NBEA: variants seen among roughly 807,000 people sequenced by gnomAD.
NBEA encodes the protein neurobeachin, also known as lysosomal-trafficking regulator 2.
A neutral mutation model predicts 343.4 loss-of-function variants in NBEA; 44 were observed. That is an observed-to-expected ratio of 0.13 (90% CI 0.10 to 0.16). NBEA has a LOEUF of 0.16. NBEA is among the 10% of genes least tolerant of loss of function. The probability of loss-of-function intolerance (pLI) is 1.00; values close to 1 mark genes in which losing one functional copy is unlikely to be tolerated. For missense variants in NBEA, 2,555 were observed against 3,631.3 expected, an observed-to-expected ratio of 0.70 and a Z score of 7.62; for synonymous variants, 1,175 against 1,238.7, an observed-to-expected ratio of 0.95 and a Z score of 1.08.
At chr13:35,662,843 C>T (rs2085167180) in intron 55 of NBEA, among the ~76,000 whole-genome samples, 1 of 151,898 alleles carries the variant, frequency 6.6e-6, no homozygotes, top group Admixed American at 6.6e-5. Context: ...GGGAAAGGTC[C>T]CAAAACTATT....
intron 17 of NBEA, among the ~76,000 whole-genome samples, chr13:35,134,244 T>C (rs562108460): frequency 2.3e-4 from 35 of 151,994 alleles, no homozygotes; most frequent in African/African-American, 7.0e-4. Flanking sequence ...ATGGGACCAA[T>C]TGATAATACA....
intron 41 of NBEA, among the ~76,000 whole-genome samples, chr13:35,503,772 T>C (rs1440592768): frequency 6.6e-6 from 1 of 152,112 alleles, no homozygotes; most frequent in Non-Finnish European, 1.5e-5. Context: ...TGCTCCTTTG[T>C]CAATATAGGT....
At chr13:35,562,268 A>C (rs1369554627) in intron 44 of NBEA, among the ~76,000 whole-genome samples, 1 of 152,060 alleles carries the variant, frequency 6.6e-6, no homozygotes, top group Non-Finnish European at 1.5e-5. Flanking sequence ...TGATACTTAG[A>C]GTTCTACTAA....
At chr13:35,476,349 TG>T (rs2075870823) in intron 41 of NBEA, 2 of 1,228,868 alleles carry the variant, frequency 1.6e-6, no homozygotes, top group Non-Finnish European at 2.3e-6. Context: ...CTGCTGCTGC[TG>T]CTGCTTTTCC....
intron 38 of NBEA, among the ~76,000 whole-genome samples, chr13:35,430,864 A>T (rs2045060560): frequency 6.6e-6 from 1 of 152,158 alleles, no homozygotes; most frequent in South Asian, 2.1e-4. Flanking sequence ...TATTACTATT[A>T]TTCATCAAGT....
intron 10 of NBEA, among the ~76,000 whole-genome samples, chr13:35,081,483 CAA>C (rs1269016636): frequency 1.3e-5 from 2 of 151,024 alleles, no homozygotes; most frequent in Admixed American, 6.6e-5. Context: ...TAGAAACAAA[CAA>C]ATTCAATCTA....
intron 38 of NBEA, among the ~76,000 whole-genome samples, chr13:35,391,844 T>G (rs1010842873): frequency 1.3e-5 from 2 of 152,168 alleles, no homozygotes; most frequent in African/African-American, 4.8e-5. Flanking sequence ...AGAAAGTTAT[T>G]TCTTACTAAC....
chr13:35,569,637 A>G (rs1431606691), intron 45 of NBEA, among the ~76,000 whole-genome samples: 1 of 152,182 alleles, frequency 6.6e-6, no homozygotes, highest in Non-Finnish European at 1.5e-5. Flanking sequence ...GAAAGAGTGT[A>G]CAGGAGTGAA....
intron 49 of NBEA, among the ~76,000 whole-genome samples, chr13:35,641,411 G>A (rs1489641650): frequency 6.6e-6 from 1 of 152,072 alleles, no homozygotes; most frequent in East Asian, 1.9e-4. Flanking sequence ...ACAGTAACCT[G>A]AAACTGTTAA....
At chr13:35,564,235 C>T (rs117396276) in intron 44 of NBEA, among the ~76,000 whole-genome samples, 6,087 of 151,920 alleles carry the variant, frequency 0.04, 195 homozygotes, top group Non-Finnish European at 0.058. Context: ...ATTATTTTAA[C>T]AATTGTGGTT....
chr13:35,070,923 G>T, intron 10 of NBEA, 71 bp downstream of exon 10: 2 of 1,502,186 alleles, frequency 1.3e-6, no homozygotes, highest in South Asian at 1.4e-5. Context: ...TGTACTCAGT[G>T]CTGTGTAAAT....
rs1006914546 is a variant in NBEA, at chr13:35,446,251, A to G, written c.6305-5841A>G. 3.9e-5 allele frequency among the ~76,000 whole-genome samples: 6 copies of G among 152,214 alleles called. No homozygotes were observed. The East Asian group carries it at 5.8e-4, about 15-fold the overall frequency. On this transcript the variant is annotated intron_variant, in intron 39 of 58. Transcript: ENST00000379939. Reference sequence around the variant, plus strand: ...TTTGGGTTGGTTCCAAGTCTTTGCTATTGTGTATAGTGCCACAATAAACAT... The same window carrying G: ...TTTGGGTTGGTTCCAAGTCTTTGCTGTTGTGTATAGTGCCACAATAAACAT...
intron 1 of NBEA, among the ~76,000 whole-genome samples, chr13:34,948,457 A>G (rs1437547038): frequency 1.3e-5 from 2 of 152,176 alleles, no homozygotes; most frequent in Non-Finnish European, 2.9e-5. Flanking sequence ...CAACCTCATG[A>G]TTCTGTTGGA....
intron 1 of NBEA, among the ~76,000 whole-genome samples, chr13:34,946,954 T>A (rs1309459922): frequency 4.0e-5 from 6 of 151,724 alleles, no homozygotes; most frequent in African/African-American, 1.4e-4. Flanking sequence ...TATTTAGAAT[T>A]TTACAAACAA....
intron 41 of NBEA, among the ~76,000 whole-genome samples, chr13:35,504,502 A>G (rs2077000037): frequency 1.3e-5 from 2 of 152,074 alleles, no homozygotes; most frequent in South Asian, 4.1e-4. Flanking sequence ...CTTGGACTTC[A>G]CTTGACTTTA....
intron 1 of NBEA, among the ~76,000 whole-genome samples, chr13:34,962,119 C>G (rs1038058505): frequency 1.3e-5 from 2 of 151,896 alleles, no homozygotes; most frequent in African/African-American, 2.4e-5. Flanking sequence ...ATGTATATGG[C>G]TTGTATCTGT....
At chr13:35,003,400 C>T (rs1433187850) in intron 1 of NBEA, among the ~76,000 whole-genome samples, 1 of 151,948 alleles carries the variant, frequency 6.6e-6, no homozygotes, top group East Asian at 1.9e-4. Flanking sequence ...CAGTATGTGA[C>T]TGAGGTTATA....
intron 31 of NBEA, among the ~76,000 whole-genome samples, chr13:35,198,097 AT>A (rs1355553090): frequency 2.0e-4 from 31 of 152,240 alleles, no homozygotes; most frequent in African/African-American, 7.2e-4. Context: ...GTATTTTGGT[AT>A]TAATATTGTG....
chr13:35,605,933 G>T (rs2082265221), intron 47 of NBEA, among the ~76,000 whole-genome samples: 1 of 152,004 alleles, frequency 6.6e-6, no homozygotes, highest in Non-Finnish European at 1.5e-5. Context: ...AAAAAACTAT[G>T]AATCTCTTTA....
Sources: gnomAD v4.1 joint callset for allele counts (sites outside exome capture counted in the v4.1 genomes callset) on GRCh38, gnomAD v4.1.1 for gene constraint, MANE v1.5 for transcripts, NCBI Gene and HGNC (gene_info 2026-07-23, HGNC 2026-07-21) for gene names.